NCKAP5: variants seen among roughly 807,000 people sequenced by gnomAD.
The protein encoded by NCKAP5 is nck-associated protein 5.
Under a neutral mutation model 167.0 loss-of-function variants are expected in NCKAP5, and 92 were observed. The observed-to-expected ratio is 0.55, with a 90% CI of 0.47 to 0.66. NCKAP5 has a LOEUF of 0.66. Among genes scored for constraint, NCKAP5 ranks in the 30% least tolerant of loss-of-function variants. The pLI, the probability that NCKAP5 is intolerant of heterozygous loss-of-function variation, is 0.00. For synonymous variants in NCKAP5, 891 were observed against 877.4 expected (o/e 1.02, Z -0.27); for missense variants, 2,378 against 2,315.0 (o/e 1.03, Z -0.56).
chr2:133,362,613 A>G (rs1320362251), intron 3 of NCKAP5, among the ~76,000 whole-genome samples: 1 of 152,196 alleles, frequency 6.6e-6, no homozygotes, highest in Admixed American at 6.5e-5. Context: ...ACCATCTAGA[A>G]AAGAAATCAA....
intron 5 of NCKAP5, among the ~76,000 whole-genome samples, chr2:133,172,481 GT>G (rs1553562672): frequency 6.6e-6 from 1 of 152,254 alleles, no homozygotes; most frequent in Admixed American, 6.5e-5. Context: ...TATCATATCT[GT>G]TTTTTTGAGA....
chr2:133,506,436 C>A (rs928911711), intron 3 of NCKAP5, among the ~76,000 whole-genome samples: 2 of 152,208 alleles, frequency 1.3e-5, no homozygotes, highest in African/African-American at 2.4e-5. Flanking sequence ...CTGCCCTGGT[C>A]TGGGCCCAGA....
intron 3 of NCKAP5, among the ~76,000 whole-genome samples, chr2:133,477,974 A>G (rs915729136): frequency 7.2e-5 from 11 of 152,234 alleles, no homozygotes; most frequent in Non-Finnish European, 1.3e-4. Context: ...ACACTGCAGA[A>G]AGCAAAACTG....
intron 2 of NCKAP5, among the ~76,000 whole-genome samples, chr2:133,529,985 T>C (rs114916873): frequency 0.021 from 3,235 of 152,308 alleles, 128 homozygotes; most frequent in African/African-American, 0.074. Context: ...TGTTATGGTA[T>C]AGAATGTTAT....
At chr2:133,425,876 G>T (rs1689760435) in intron 3 of NCKAP5, among the ~76,000 whole-genome samples, 1 of 152,148 alleles carries the variant, frequency 6.6e-6, no homozygotes, top group South Asian at 2.1e-4. Flanking sequence ...TGGCCACAAA[G>T]AAAACACTGA....
chr2:133,022,340 C>G (rs75857063), intron 6 of NCKAP5, among the ~76,000 whole-genome samples: 4 of 152,158 alleles, frequency 2.6e-5, no homozygotes, highest in Non-Finnish European at 5.9e-5. Flanking sequence ...AGGAAGAAGG[C>G]TGCTCATTAT....
chr2:133,129,792 T>A (rs1430152619), intron 6 of NCKAP5, among the ~76,000 whole-genome samples, 186 bp downstream of exon 6: 1 of 152,184 alleles, frequency 6.6e-6, no homozygotes. Flanking sequence ...CAGGTACAAA[T>A]GGAAAGTTTC....
At chr2:132,878,401 C>T (rs1234370885) in intron 9 of NCKAP5, among the ~76,000 whole-genome samples, 1 of 152,110 alleles carries the variant, frequency 6.6e-6, no homozygotes, top group East Asian at 1.9e-4. Context: ...ATCATCCCCA[C>T]CCACTCTATC....
intron 4 of NCKAP5, among the ~76,000 whole-genome samples, chr2:133,264,725 A>G (rs1357727006): frequency 6.6e-6 from 1 of 152,208 alleles, no homozygotes; most frequent in Non-Finnish European, 1.5e-5. Context: ...AAGAGAATTG[A>G]TTTGATAATG....
intron 5 of NCKAP5, among the ~76,000 whole-genome samples, chr2:133,187,483 A>G (rs112917332): frequency 2.0e-5 from 3 of 152,204 alleles, no homozygotes; most frequent in Non-Finnish European, 4.4e-5. Flanking sequence ...TGAACCCAGG[A>G]GTTTGAGACC....
intron 16 of NCKAP5, among the ~76,000 whole-genome samples, chr2:132,734,251 T>C (rs1248207735): frequency 6.6e-6 from 1 of 152,208 alleles, no homozygotes; most frequent in African/African-American, 2.4e-5. Context: ...CACTGCCAGA[T>C]GAGTCAAAGA....
the NCKAP5 span, among the ~76,000 whole-genome samples, chr2:133,612,991 CAA>C: frequency 2.6e-5 from 4 of 152,144 alleles, no homozygotes; most frequent in East Asian, 1.9e-4. Flanking sequence ...ACTAATAAAG[CAA>C]AGAGTGAGGA....
In NCKAP5 at chr2:132,783,689, G is replaced by A. The variant is rs191548091; in HGVS notation, c.3122C>T (p.Pro1041Leu). 154 of 1,613,680 alleles carry A rather than the reference G, an allele frequency of 9.5e-5. 1 individual carries two copies. The African/African-American group carries it at 1.6e-3, about 17-fold the overall frequency. Residue 1041 changes from proline (P) to leucine (L), a missense_variant, in exon 14 of 20, where the codon CCG becomes CTG. Coordinates refer to ENST00000409261, the MANE Select transcript of NCKAP5 (RefSeq NM_207363.3). ...AGAGGTTTTGGGGACACCTCTCTTC[G>A]GAGAGACCTTTGGAGGCCCCAGAGC... is the stretch of plus-strand genomic sequence containing the variant. ...VMALGPPKVS[P>L]KRGVPKTSPR...
intron 8 of NCKAP5, chr2:132,911,079 A>G: frequency 4.8e-6 from 1 of 206,708 alleles, no homozygotes; most frequent in Non-Finnish European, 1.0e-5. Flanking sequence ...CCTGATTCCC[A>G]CATCTCATTT....
chr2:133,266,454 C>CT (rs1317386350), intron 4 of NCKAP5: 1 of 152,492 alleles, frequency 6.6e-6, no homozygotes, highest in Admixed American at 6.5e-5. Context: ...AGGGCTGGGG[C>CT]TAGGGTGGCG....
chr2:133,391,279 G>A lies in NCKAP5; in HGVS notation c.70-88169C>T, dbSNP rs903162667. The A allele has an allele frequency of 6.9e-5, 11 of 158,326 alleles. No homozygotes were observed. The East Asian group carries it at 1.9e-3, about 28-fold the overall frequency. The allele number at this position is 158,326 out of a possible 1,614,324, so 9.8% of individuals were successfully genotyped here. A position where few individuals can be genotyped will look rare whatever the true frequency, so the allele number is the denominator to read the frequency against. On this transcript the variant is annotated intron_variant, in intron 3 of 19. Coordinates refer to ENST00000409261, the MANE Select transcript of NCKAP5 (RefSeq NM_207363.3). ...CCTTCAATCCACAGTGCAGCTTCAG[G>A]AGGGTTGCACATGGAGCGGTGAGGG...
intron 6 of NCKAP5, chr2:133,123,074 A>G (rs2082297681): frequency 1.3e-5 from 2 of 152,204 alleles, no homozygotes; most frequent in African/African-American, 4.8e-5. Flanking sequence ...AATTGGAACT[A>G]TACTCTGTGT....
chr2:133,369,783 G>A (rs995784082), intron 3 of NCKAP5, among the ~76,000 whole-genome samples: 1 of 152,166 alleles, frequency 6.6e-6, no homozygotes, highest in Non-Finnish European at 1.5e-5. Context: ...TTATTTGTGC[G>A]AGAAAAAAGA....
chr2:132,992,069 T>A (rs761407859), intron 7 of NCKAP5, among the ~76,000 whole-genome samples: 51 of 152,206 alleles, frequency 3.4e-4, no homozygotes, highest in Non-Finnish European at 3.4e-4. Flanking sequence ...AGAAGTTCAG[T>A]AAGTGTTTGT....
Sources: allele counts gnomAD v4.1 joint callset (sites outside exome capture counted in the v4.1 genomes callset), GRCh38; gene constraint gnomAD v4.1.1; transcripts MANE v1.5; gene names NCBI Gene and HGNC (gene_info 2026-07-23, HGNC 2026-07-21).